The following RAB2A variants were observed in gnomAD, a reference collection of about 807,000 sequenced individuals.
RAB2A encodes ras-related protein Rab-2A.
A neutral mutation model predicts 32.5 loss-of-function variants in RAB2A; 7 were observed. That is an observed-to-expected ratio of 0.22 (90% CI 0.12 to 0.40). The LOEUF is 0.40. RAB2A is among the 10% of genes least tolerant of loss of function. The pLI is 1.00. For synonymous variants in RAB2A, 79 were observed against 85.2 expected, an observed-to-expected ratio of 0.93 and a Z score of 0.40; for missense variants, 108 against 260.7, an observed-to-expected ratio of 0.41 and a Z score of 4.03.
At position 60,540,278 on chromosome 8, in the gene RAB2A, A is replaced by T. The variant is rs111765014; in HGVS notation, c.47-18574A>T. Reference sequence around the variant, plus strand: ...GGTATATAGTTAGATGGTAATTAAAATGTTCCAGAGAAGAGGTTCCTAGAG... The same window carrying T: ...GGTATATAGTTAGATGGTAATTAAATTGTTCCAGAGAAGAGGTTCCTAGAG... On this transcript the variant is annotated intron_variant, in intron 1 of 7. Transcript: ENST00000262646. Among the ~76,000 whole-genome samples the T allele has an allele frequency of 3.8e-3, 581 of 151,830 alleles. 4 individuals carry two copies. The highest frequency in any genetic ancestry group is 0.014 in the African/African-American group (560 of 41,338).
intron 6 of RAB2A, among the ~76,000 whole-genome samples, chr8:60,605,954 G>C (rs1586111582): frequency 4.0e-5 from 6 of 151,774 alleles, no homozygotes; most frequent in Admixed American, 3.9e-4. Flanking sequence ...TTCGAGACCA[G>C]CTTGACCAAT....
intron 3 of RAB2A, among the ~76,000 whole-genome samples, chr8:60,574,033 A>C (rs1369091861): frequency 1.3e-5 from 2 of 152,226 alleles, no homozygotes; most frequent in Non-Finnish European, 2.9e-5. Flanking sequence ...ACATCTTTGC[A>C]TTGTGTAGTG....
intron 6 of RAB2A, among the ~76,000 whole-genome samples, chr8:60,614,467 G>T (rs1804415442): frequency 6.6e-6 from 1 of 152,112 alleles, no homozygotes. Context: ...GCCCAGGCTG[G>T]TCTCAAACTC....
At chr8:60,537,314 C>T (rs779007977) in intron 1 of RAB2A, among the ~76,000 whole-genome samples, 9 of 151,110 alleles carry the variant, frequency 6.0e-5, no homozygotes, top group East Asian at 2.0e-4. Flanking sequence ...CTCTGCCTCC[C>T]GGGTTCAAGT....
At chr8:60,556,838 TC>T (rs1807947098) in intron 1 of RAB2A, among the ~76,000 whole-genome samples, 1 of 152,150 alleles carries the variant, frequency 6.6e-6, no homozygotes, top group South Asian at 2.1e-4. Flanking sequence ...ATTACCAAAC[TC>T]TTAGATGATT....
At chr8:60,597,924 A>G (rs1804057594) in intron 6 of RAB2A, among the ~76,000 whole-genome samples, 1 of 102,882 alleles carries the variant, frequency 9.7e-6, no homozygotes, top group Non-Finnish European at 1.7e-5. Context: ...CATAAATGTG[A>G]CAACTTAGAT....
intron 6 of RAB2A, among the ~76,000 whole-genome samples, chr8:60,604,697 T>TAAG (rs1286724171): frequency 3.3e-5 from 5 of 152,186 alleles, no homozygotes; most frequent in Admixed American, 1.3e-4. Context: ...GGTGATGATT[T>TAAG]AAGATATCTG....
chr8:60,597,509 G>A (rs1035771958), intron 6 of RAB2A, among the ~76,000 whole-genome samples: 2 of 152,038 alleles, frequency 1.3e-5, no homozygotes, highest in Non-Finnish European at 2.9e-5. Flanking sequence ...GGATTGATGG[G>A]TGCAGCAAAC....
chr8:60,573,035 T>G (rs1263125224), intron 3 of RAB2A, among the ~76,000 whole-genome samples: 1 of 151,300 alleles, frequency 6.6e-6, no homozygotes, highest in Non-Finnish European at 1.5e-5. Flanking sequence ...GAGCCTTACG[T>G]ATGTTGTTTA....
At chr8:60,546,619 A>C (rs974649950) in intron 1 of RAB2A, among the ~76,000 whole-genome samples, 10 of 152,244 alleles carry the variant, frequency 6.6e-5, no homozygotes, top group African/African-American at 2.4e-4. Context: ...TAATTAAATA[A>C]TAATACTGTT....
At chr8:60,586,460 C>G (rs947249332) in intron 5 of RAB2A, among the ~76,000 whole-genome samples, 1 of 150,890 alleles carries the variant, frequency 6.6e-6, no homozygotes, top group East Asian at 1.9e-4. Flanking sequence ...AGATACTGAT[C>G]AGGAAAAAGA....
intron 1 of RAB2A, among the ~76,000 whole-genome samples, chr8:60,521,912 G>A (rs1290796378): frequency 1.3e-5 from 2 of 152,166 alleles, no homozygotes; most frequent in African/African-American, 2.4e-5. Flanking sequence ...GTGAGCCACC[G>A]CGGCAAGGCA....
At chr8:60,522,732 A>G (rs1807319723) in intron 1 of RAB2A, among the ~76,000 whole-genome samples, 2 of 152,046 alleles carry the variant, frequency 1.3e-5, no homozygotes, top group African/African-American at 4.8e-5. Flanking sequence ...GGATTTGGGG[A>G]AGGATTGGGG....
chr8:60,592,530 T>G (rs116133230), intron 6 of RAB2A, among the ~76,000 whole-genome samples: 130 of 152,308 alleles, frequency 8.5e-4, no homozygotes, highest in African/African-American at 2.9e-3. Flanking sequence ...TTATTTATTT[T>G]TTTAACTGTC....
At chr8:60,528,639 A>G (rs1428747129) in intron 1 of RAB2A, among the ~76,000 whole-genome samples, 1 of 151,872 alleles carries the variant, frequency 6.6e-6, no homozygotes, top group East Asian at 1.9e-4. Context: ...AAGTTGTTTT[A>G]TGGCAAGTTT....
intron 2 of RAB2A, chr8:60,570,022 G>A (rs1328477676): frequency 2.2e-6 from 1 of 456,132 alleles, no homozygotes; most frequent in African/African-American, 2.0e-5. Flanking sequence ...GAGCAGTTGT[G>A]TTAGCTTCTC....
At chr8:60,569,819 C>T (rs1371134873) in intron 2 of RAB2A, 2 of 353,772 alleles carry the variant, frequency 5.7e-6, no homozygotes, top group African/African-American at 2.2e-5. Flanking sequence ...CCCAGCTGAT[C>T]TGCTTAATTT....
intron 3 of RAB2A, among the ~76,000 whole-genome samples, chr8:60,581,875 ACAAT>A (rs989982855): frequency 6.0e-4 from 92 of 152,112 alleles, no homozygotes; most frequent in African/African-American, 2.1e-3. Context: ...ATTTTAAAAA[ACAAT>A]CAATTTAAAA....
intron 1 of RAB2A, among the ~76,000 whole-genome samples, chr8:60,532,474 G>A (rs1291946902): frequency 1.3e-5 from 2 of 152,012 alleles, no homozygotes; most frequent in Non-Finnish European, 2.9e-5. Flanking sequence ...GATAAACTTG[G>A]GTGTGTGTTG....
Sources: gnomAD v4.1 joint callset for allele counts (sites outside exome capture counted in the v4.1 genomes callset) on GRCh38, gnomAD v4.1.1 for gene constraint, MANE v1.5 for transcripts, NCBI Gene and HGNC (gene_info 2026-07-23, HGNC 2026-07-21) for gene names.